NOVA1: variants seen among roughly 807,000 people sequenced by gnomAD.
The protein encoded by NOVA1 is NOVA alternative splicing regulator 1.
NOVA1 carries 7 observed loss-of-function variants against 38.0 expected under a neutral mutation model. The ratio of observed to expected loss-of-function variants is 0.18; its 90% confidence interval spans 0.10 to 0.35. The LOEUF (loss-of-function observed/expected upper bound fraction) is 0.35, where lower values mean the gene tolerates loss of function less well. Ranked by LOEUF, NOVA1 falls within the 10% of genes least tolerant of loss-of-function variation. The pLI is 1.00. For missense variants in NOVA1, 460 were observed against 616.0 expected, an observed-to-expected ratio of 0.75 and a Z score of 2.68; for synonymous variants, 270 against 232.5, an observed-to-expected ratio of 1.16 and a Z score of -1.47.
intron 2 of NOVA1, among the ~76,000 whole-genome samples, chr14:26,507,463 G>A (rs567655229): frequency 1.4e-4 from 21 of 152,216 alleles, no homozygotes; most frequent in African/African-American, 5.1e-4. Flanking sequence ...GTTTTATAAA[G>A]AGTGTTTTTT....
At chr14:26,464,472 G>T (rs538516674) in intron 4 of NOVA1, among the ~76,000 whole-genome samples, 39 of 152,244 alleles carry the variant, frequency 2.6e-4, no homozygotes, top group African/African-American at 9.4e-4. Flanking sequence ...TATCGTTTAG[G>T]ATACTTTTCT....
chr14:26,557,465 A>G (rs961886756), intron 2 of NOVA1, among the ~76,000 whole-genome samples: 10 of 151,738 alleles, frequency 6.6e-5, no homozygotes, highest in African/African-American at 2.4e-4. Flanking sequence ...GGTCACAAGC[A>G]ATCCTCCCAC....
intron 3 of NOVA1, among the ~76,000 whole-genome samples, chr14:26,478,253 CAAT>C (rs1885148056): frequency 6.6e-6 from 1 of 151,744 alleles, no homozygotes; most frequent in Non-Finnish European, 1.5e-5. Context: ...AGAATTTTAA[CAAT>C]GATTCATAGA....
At chr14:26,461,699 C>T (rs528790607) in intron 4 of NOVA1, among the ~76,000 whole-genome samples, 20 of 148,520 alleles carry the variant, frequency 1.3e-4, no homozygotes, top group African/African-American at 4.0e-4. Flanking sequence ...GAGGCTGAGG[C>T]GGGCAGATCA....
At chr14:26,513,297 AT>A (rs1288537411) in intron 2 of NOVA1, among the ~76,000 whole-genome samples, 1 of 151,976 alleles carries the variant, frequency 6.6e-6, no homozygotes, top group Non-Finnish European at 1.5e-5. Context: ...TTTTCATTAA[AT>A]TTCTTAGAAA....
At chr14:26,556,812 G>A (rs1446187270) in intron 2 of NOVA1, among the ~76,000 whole-genome samples, 2 of 152,040 alleles carry the variant, frequency 1.3e-5, no homozygotes, top group African/African-American at 2.4e-5. Flanking sequence ...CGGACAAAAG[G>A]TCTGAAAAGA....
At chr14:26,531,768 GA>G (rs770947146) in intron 2 of NOVA1, among the ~76,000 whole-genome samples, 14 of 152,042 alleles carry the variant, frequency 9.2e-5, no homozygotes, top group Non-Finnish European at 1.9e-4. Context: ...ACAAATAAAT[GA>G]AAAGGTAAAC....
chr14:26,450,683 G>T (rs1047622826), intron 4 of NOVA1, among the ~76,000 whole-genome samples: 18 of 152,140 alleles, frequency 1.2e-4, no homozygotes, highest in African/African-American at 4.1e-4. Context: ...AAAATTATTT[G>T]TCTGAAAAGT....
chr14:26,592,661 G>GT (rs1004644733), intron 2 of NOVA1: 2 of 151,438 alleles, frequency 1.3e-5, no homozygotes, highest in Non-Finnish European at 3.0e-5. Context: ...GTACAAAAAT[G>GT]TTTTTTCATT....
intron 2 of NOVA1, among the ~76,000 whole-genome samples, chr14:26,536,527 A>C (rs1890110152): frequency 6.6e-6 from 1 of 152,038 alleles, no homozygotes; most frequent in Non-Finnish European, 1.5e-5. Flanking sequence ...AATTAAAAAA[A>C]ATTTAAAAAG....
intron 4 of NOVA1, among the ~76,000 whole-genome samples, chr14:26,455,343 T>TATTATACTAC (rs1883074762): frequency 6.6e-6 from 1 of 152,102 alleles, no homozygotes; most frequent in Non-Finnish European, 1.5e-5. Flanking sequence ...AAGCATAGTG[T>TATTATACTAC]AGTATAATAC....
chr14:26,588,982 G>C (rs1166990831), intron 2 of NOVA1, among the ~76,000 whole-genome samples: 1 of 150,676 alleles, frequency 6.6e-6, no homozygotes, highest in Non-Finnish European at 1.5e-5. Context: ...AAAATACATA[G>C]TTTACAAAAC....
chr14:26,491,879 C>T (rs1886375081), intron 2 of NOVA1, among the ~76,000 whole-genome samples: 1 of 151,848 alleles, frequency 6.6e-6, no homozygotes, highest in Admixed American at 6.6e-5. Context: ...ATCCTCAACT[C>T]TGTAATTTTT....
At chr14:26,491,013 A>G (rs1042286158) in intron 2 of NOVA1, among the ~76,000 whole-genome samples, 2 of 151,266 alleles carry the variant, frequency 1.3e-5, no homozygotes, top group Non-Finnish European at 3.0e-5. Context: ...CCACGCCCGG[A>G]TAATTTTTTT....
Position 26,448,377 on chromosome 14 carries a change from G to C in NOVA1, c.1106C>G (p.Ala369Gly). 1 of 1,613,738 alleles carries C rather than the reference G, an allele frequency of 6.2e-7. No individual in the cohort carries two copies. Residue 369 changes from alanine to glycine, a missense_variant, in exon 5 of 5, where the codon GCC becomes GGC. Physicochemically the swap from Ala to Gly is moderately conservative, Grantham distance 60. Coordinates refer to ENST00000539517, the MANE Select transcript of NOVA1 (RefSeq NM_002515.3). The surrounding 1 kb of genome is among the most constrained non-coding windows in gnomAD (Gnocchi z 5.3). ...ACCAGCTGTGCTGCCACTGGCTGAGGCTTCACTGGCATAGGTGGCCAATAA... is the reference window on the plus strand; with the variant it reads ...ACCAGCTGTGCTGCCACTGGCTGAGCCTTCACTGGCATAGGTGGCCAATAA... ...ANLLATYASE[A>G]SASGSTAGGT... is the part of the protein sequence containing the mutation.
chr14:26,522,271 A>G (rs551523408), intron 2 of NOVA1, among the ~76,000 whole-genome samples: 1 of 152,242 alleles, frequency 6.6e-6, no homozygotes, highest in African/African-American at 2.4e-5. Flanking sequence ...TGGATTTTGA[A>G]ATATGGAAAT....
intron 4 of NOVA1, among the ~76,000 whole-genome samples, chr14:26,462,868 G>A (rs1420857467): frequency 1.3e-5 from 2 of 152,022 alleles, no homozygotes; most frequent in South Asian, 2.1e-4. Flanking sequence ...ACTGAAATAA[G>A]GATTTGTTTT....
At chr14:26,591,995 T>G (rs894041611) in intron 2 of NOVA1, among the ~76,000 whole-genome samples, 1 of 151,500 alleles carries the variant, frequency 6.6e-6, no homozygotes, top group African/African-American at 2.4e-5. Flanking sequence ...ATTCCAACAC[T>G]ATAATGAAGG....
At chr14:26,458,689 T>C (rs1883384378) in intron 4 of NOVA1, among the ~76,000 whole-genome samples, 1 of 151,990 alleles carries the variant, frequency 6.6e-6, no homozygotes, top group Middle Eastern at 3.4e-3. Context: ...GGAGGGGGAA[T>C]GGGTTGAAAA....
Sources: gnomAD v4.1 joint callset for allele counts (sites outside exome capture counted in the v4.1 genomes callset) on GRCh38, gnomAD v4.1.1 for gene constraint, Gnocchi (gnomAD v3.1) non-coding constraint, MANE v1.5 for transcripts, NCBI Gene and HGNC (gene_info 2026-07-23, HGNC 2026-07-21) for gene names.